The following GRM1 variants were observed in gnomAD, a reference collection of about 807,000 sequenced individuals.
GRM1 encodes glutamate metabotropic receptor 1.
In GRM1, 33 loss-of-function variants were observed where a neutral mutation model predicts 90.9. The observed-to-expected ratio is 0.36, with a 90% CI of 0.28 to 0.49. GRM1 has a LOEUF of 0.49. Ranked by LOEUF, GRM1 falls within the 20% of genes least tolerant of loss-of-function variation. GRM1 has a pLI of 0.99. For synonymous variants in GRM1, 700 were observed against 613.2 expected, an observed-to-expected ratio of 1.14 and a Z score of -2.09; for missense variants, 1,190 against 1,534.3, an observed-to-expected ratio of 0.78 and a Z score of 3.75.
intron 7 of GRM1, among the ~76,000 whole-genome samples, chr6:146,402,135 A>T: frequency 6.6e-6 from 1 of 152,180 alleles, no homozygotes; most frequent in East Asian, 1.9e-4. Flanking sequence ...AAACTGTTGA[A>T]CTATTAGCTG....
chr6:146,050,788 C>T (rs1791496224), intron 1 of GRM1, among the ~76,000 whole-genome samples: 1 of 152,026 alleles, frequency 6.6e-6, no homozygotes, highest in South Asian at 2.1e-4. Context: ...ACGGCATATG[C>T]CTATGAGATT....
At chr6:146,356,224 T>C (rs146656577) in intron 4 of GRM1, among the ~76,000 whole-genome samples, 3 of 152,340 alleles carry the variant, frequency 2.0e-5, no homozygotes, top group East Asian at 3.9e-4. Flanking sequence ...TATTGACTTA[T>C]AGATTGTCTT....
intron 2 of GRM1, among the ~76,000 whole-genome samples, chr6:146,262,209 C>T (rs995719931): frequency 6.6e-6 from 1 of 151,784 alleles, no homozygotes; most frequent in African/African-American, 2.4e-5. Flanking sequence ...GTTATCTGCA[C>T]CCAGTCAAGA....
At chr6:146,394,008 T>A (rs965528920) in intron 6 of GRM1, among the ~76,000 whole-genome samples, 6 of 151,642 alleles carry the variant, frequency 4.0e-5, no homozygotes, top group African/African-American at 1.5e-4. Flanking sequence ...AAACAAGCAA[T>A]GGGGAAAGGA....
intron 1 of GRM1, among the ~76,000 whole-genome samples, chr6:146,053,794 T>C (rs1188045083): frequency 6.6e-6 from 1 of 152,100 alleles, no homozygotes; most frequent in Non-Finnish European, 1.5e-5. Context: ...TAGGTAATTC[T>C]GCTGCACAGC....
intron 2 of GRM1, among the ~76,000 whole-genome samples, chr6:146,219,649 A>G (rs1779988836): frequency 6.6e-6 from 1 of 151,530 alleles, no homozygotes; most frequent in African/African-American, 2.4e-5. Context: ...AGTGAAGATT[A>G]AGTATTGTTT....
rs1020050519 is a variant in GRM1, at chr6:146,161,516, C to G, written c.950+1919C>G. Among the ~76,000 whole-genome samples, 4 of 152,130 alleles carry G rather than the reference C, an allele frequency of 2.6e-5. No homozygotes were observed. The South Asian group carries it at 8.3e-4, about 32-fold the overall frequency. Reference sequence around the variant, plus strand: ...ATGTGCTTGTCTATGAACAGGTCAGCTACATGTGATGTCTACCTCTTTTAT... The same window carrying G: ...ATGTGCTTGTCTATGAACAGGTCAGGTACATGTGATGTCTACCTCTTTTAT... On this transcript the variant is annotated intron_variant, in intron 2 of 7. Transcript: ENST00000282753.
intron 2 of GRM1, chr6:146,171,461 A>G (rs1778122443): frequency 6.0e-6 from 1 of 167,526 alleles, no homozygotes; most frequent in African/African-American, 2.4e-5. Context: ...ATTTGCTCAA[A>G]ATCAGCCATG....
chr6:146,044,438 A>G (rs541123620), intron 1 of GRM1, among the ~76,000 whole-genome samples: 1 of 151,980 alleles, frequency 6.6e-6, no homozygotes, highest in African/African-American at 2.4e-5. Context: ...AGGTAGGCTC[A>G]GTACCTATGA....
intron 5 of GRM1, among the ~76,000 whole-genome samples, chr6:146,381,150 C>T (rs1349590237): frequency 6.6e-6 from 1 of 152,162 alleles, no homozygotes; most frequent in Non-Finnish European, 1.5e-5. Flanking sequence ...ATGTTATCTG[C>T]CCCCACCAGT....
rs183983754 is a variant in GRM1 at position 146,049,817 on chromosome 6, G to C, written c.700+19600G>C. On this transcript the variant is annotated intron_variant, in intron 1 of 7. Transcript: ENST00000282753. ...GAGTATTTATTGTGTGCCAAACACT[G>C]TGCAATTGTTCAATGTTCATTGCTT... Among the ~76,000 whole-genome samples, 530 of 152,014 alleles carry C rather than the reference G, an allele frequency of 3.5e-3. 3 individuals are homozygous for C. Among genetic ancestry groups the C allele is most frequent in the African/African-American group, 0.012 (511 of 41,508 alleles).
intron 1 of GRM1, among the ~76,000 whole-genome samples, chr6:146,153,534 C>T (rs910522958): frequency 6.6e-6 from 1 of 152,098 alleles, no homozygotes; most frequent in Non-Finnish European, 1.5e-5. Context: ...TAGTCAAATA[C>T]GTAATACTCA....
chr6:146,360,132 AG>A (rs1397694416), intron 5 of GRM1, among the ~76,000 whole-genome samples: 1 of 152,198 alleles, frequency 6.6e-6, no homozygotes, highest in Non-Finnish European at 1.5e-5. Context: ...AGGTGATTGT[AG>A]GACATACACT....
intron 7 of GRM1, among the ~76,000 whole-genome samples, chr6:146,401,105 G>A (rs1006601446): frequency 1.3e-5 from 2 of 151,944 alleles, no homozygotes; most frequent in African/African-American, 2.4e-5. Context: ...AAGAAGCAAC[G>A]TGGGCATCTT....
In GRM1 at chr6:146,280,260, T is replaced by C. The variant is rs117384777; in HGVS notation, c.951-24351T>C. Among the ~76,000 whole-genome samples, 460 of 152,250 alleles carry C rather than the reference T, an allele frequency of 3.0e-3. 3 individuals carry two copies. Among genetic ancestry groups the C allele is most frequent in the South Asian group, 0.018 (87 of 4,814 alleles). ...TGAGGTTAATGCAGAGATCATTTTG[T>C]GCAGCTCCCCTATCCCAGTGATCAT... On this transcript the variant is annotated intron_variant, in intron 2 of 7. Coordinates refer to ENST00000282753, the MANE Select transcript of GRM1 (RefSeq NM_001278064.2).
Position 146,399,746 on chromosome 6 carries a change from T to G in GRM1, c.2660+47T>G. 8.1e-7 allele frequency: 1 copy of G among 1,238,550 alleles called. No homozygotes were observed. Among genetic ancestry groups the G allele is most frequent in the Non-Finnish European group, 1.1e-6 (1 of 879,050 alleles). The allele number at this position is 1,238,550 out of a possible 1,614,324, so 76.7% of individuals were successfully genotyped here. Reference sequence around the variant, plus strand: ...TCTCTCTTTTCTCTTCCTTTCTCTGTCTCTTTCTCTCTCTCTCTCTCTCTC... The same window carrying G: ...TCTCTCTTTTCTCTTCCTTTCTCTGGCTCTTTCTCTCTCTCTCTCTCTCTC... On this transcript the variant is annotated intron_variant, in intron 7 of 7. Transcript: ENST00000282753. This position sits in a 1 kb window ranked among gnomAD's most constrained non-coding sequence, Gnocchi z 5.4.
At chr6:146,328,064 A>G (rs1336025444) in intron 3 of GRM1, among the ~76,000 whole-genome samples, 2 of 152,152 alleles carry the variant, frequency 1.3e-5, no homozygotes, top group Non-Finnish European at 1.5e-5. Context: ...AGCTGCTCAT[A>G]AAAATGAAAC....
Position 146,270,849 on chromosome 6 carries a change from TTTTCTTTCTTTCTTTC to T in GRM1, c.951-33711_951-33696del, listed in dbSNP as rs1164507964. Among the ~76,000 whole-genome samples the T allele has an allele frequency of 4.0e-3, 366 of 91,720 alleles. 1 individual carries two copies. The highest frequency in any genetic ancestry group is 6.3e-3 in the African/African-American group (134 of 21,400). 60.2% of individuals were successfully genotyped at this position (91,720 alleles called of 152,430 possible). A position where few individuals can be genotyped will look rare whatever the true frequency, so the allele number is the denominator to read the frequency against. On this transcript the variant is annotated intron_variant, in intron 2 of 7. Coordinates refer to ENST00000282753, the MANE Select transcript of GRM1 (RefSeq NM_001278064.2). ...TGCCTGCCTGCCTGCCTTTCTTTCTTTTTCTTTCTTTCTTTCTTTCTTTCTTTCTTTCTTTCTTTCT... is the reference window on the plus strand; with the variant it reads ...TGCCTGCCTGCCTGCCTTTCTTTCTTTTTCTTTCTTTCTTTCTTTCTTTCT...
intron 3 of GRM1, among the ~76,000 whole-genome samples, chr6:146,321,444 G>A (rs1381902295): frequency 6.6e-6 from 1 of 152,204 alleles, no homozygotes; most frequent in East Asian, 1.9e-4. Context: ...TGTATATTCT[G>A]TTGATTTGGG....
Sources: allele counts gnomAD v4.1 joint callset (sites outside exome capture counted in the v4.1 genomes callset), GRCh38; gene constraint gnomAD v4.1.1; non-coding constraint Gnocchi (gnomAD v3.1); transcripts MANE v1.5; gene names NCBI Gene and HGNC (gene_info 2026-07-23, HGNC 2026-07-21).